The following FRMD5 variants were observed in gnomAD, a reference collection of about 807,000 sequenced individuals.
FRMD5 encodes the protein FERM domain-containing protein 5.
FRMD5 carries 20 observed loss-of-function variants against 69.0 expected under a neutral mutation model. The ratio of observed to expected loss-of-function variants is 0.29; its 90% CI spans 0.20 to 0.42. The LOEUF (loss-of-function observed/expected upper bound fraction) is 0.42. Ranked by LOEUF, FRMD5 falls within the 10% of genes least tolerant of loss-of-function variation. The pLI is 1.00. For missense variants in FRMD5, 595 were observed against 708.6 expected (o/e 0.84, Z 1.82); for synonymous variants, 271 against 260.1 (o/e 1.04, Z -0.40).
At chr15:44,117,066 T>A (rs1011219382) in intron 1 of FRMD5, among the ~76,000 whole-genome samples, 2 of 150,474 alleles carry the variant, frequency 1.3e-5, no homozygotes, top group Non-Finnish European at 3.0e-5. Flanking sequence ...GATCGCACCA[T>A]TGCACTCCAG....
At chr15:44,199,406 G>A (rs2615300), upstream of FRMD5, among the ~76,000 whole-genome samples, 17,984 of 152,076 alleles carry the variant, frequency 0.12, 2,548 homozygotes, top group African/African-American at 0.34. Flanking sequence ...CCCTGACTAC[G>A]TCTTAGGCAT....
At chr15:43,916,829 A>T (rs892791730) in intron 4 of FRMD5, among the ~76,000 whole-genome samples, 3 of 147,456 alleles carry the variant, frequency 2.0e-5, no homozygotes, top group Non-Finnish European at 4.5e-5. Context: ...CCCAGGCTGG[A>T]GTGCAATGGC....
chr15:43,883,805 C>T lies in FRMD5; in HGVS notation c.1033G>A (p.Gly345Arg), dbSNP rs747708913. The T allele has an allele frequency of 6.2e-6, 10 of 1,613,486 alleles. No homozygotes were observed. Among genetic ancestry groups the T allele is most frequent in the Non-Finnish European group, 7.6e-6 (9 of 1,179,424 alleles). Reference protein sequence around the residue: ...KREPPEIHRAGMVPSRSCPSI... With the variant: ...KREPPEIHRARMVPSRSCPSI... ...GGACAGCTCCGGCTGGGAACCATCC[C>T]TGCTCTGAGGTTAAAGAAAAAGAAC... Residue 345 changes from glycine to arginine, a missense_variant, in exon 13 of 14, where the codon GGG becomes AGG. Around this residue, in one of 5 missense-constraint regions of FRMD5, gnomAD observed 176 missense variants for 266.3 expected, o/e 0.66. Coordinates refer to ENST00000417257, the MANE Select transcript of FRMD5 (RefSeq NM_032892.5).
chr15:44,012,880 C>T (rs1364116756), intron 1 of FRMD5, among the ~76,000 whole-genome samples: 1 of 151,210 alleles, frequency 6.6e-6, no homozygotes, highest in Non-Finnish European at 1.5e-5. Context: ...GATTCTCCTG[C>T]CTCAGCCTCC....
Position 43,938,231 on chromosome 15 carries a change from C to CAAAA in FRMD5, c.103-13926_103-13923dup, listed in dbSNP as rs775430626. Among the ~76,000 whole-genome samples the CAAAA allele has an allele frequency of 5.8e-3, 377 of 65,068 alleles. 13 individuals carry two copies. Among genetic ancestry groups the CAAAA allele is most frequent in the African/African-American group, 0.016 (360 of 22,828 alleles). 42.7% of individuals were successfully genotyped at this position (65,068 alleles called of 152,430 possible). On this transcript the variant is annotated intron_variant, in intron 1 of 13. Coordinates refer to ENST00000417257, the MANE Select transcript of FRMD5 (RefSeq NM_032892.5). ...TGGGCGAAAGAGCGAGACTCCGTCTCAAAAAAAAAAAAAAAAAAAAGCCTA... is the reference window on the plus strand; with the variant it reads ...TGGGCGAAAGAGCGAGACTCCGTCTCAAAAAAAAAAAAAAAAAAAAAAAAGCCTA...
intron 1 of FRMD5, among the ~76,000 whole-genome samples, chr15:44,071,260 A>T (rs1273553905): frequency 6.6e-6 from 1 of 152,028 alleles, no homozygotes; most frequent in Non-Finnish European, 1.5e-5. Flanking sequence ...TCTTTCTTAA[A>T]ATTTGATGCC....
rs375405786 is a variant in FRMD5 at position 43,874,446 on chromosome 15, C to T, written c.1152G>A (p.Arg384=). 1.5e-5 allele frequency: 24 copies of T among 1,614,084 alleles called. No homozygotes were observed. The highest frequency in any genetic ancestry group is 2.2e-5 in the East Asian group (1 of 44,884). ...GCACTGGTGTGGAATGGGCACTGTCCCGTAAGGACTCTAGGCCTAGAAAGG... is the reference window on the plus strand; with the variant it reads ...GCACTGGTGTGGAATGGGCACTGTCTCGTAAGGACTCTAGGCCTAGAAAGG... ...ISIMEGLESL[R]DSAHSTPVRS... Residue 384 remains arginine (R), a synonymous_variant, in exon 14 of 14, where the codon CGG becomes CGA. Coordinates refer to ENST00000417257, the MANE Select transcript of FRMD5 (RefSeq NM_032892.5).
intron 1 of FRMD5, among the ~76,000 whole-genome samples, chr15:43,995,241 C>T (rs1199995547): frequency 2.0e-5 from 3 of 152,160 alleles, no homozygotes; most frequent in African/African-American, 7.2e-5. Flanking sequence ...AGCTGTTATG[C>T]TGTATTGTTT....
At chr15:44,094,875 A>T (rs2076528052) in intron 1 of FRMD5, among the ~76,000 whole-genome samples, 1 of 152,104 alleles carries the variant, frequency 6.6e-6, no homozygotes. Context: ...TTTTAGGAAA[A>T]TTCATTGAGG....
chr15:43,901,606 C>T (rs906542781), intron 7 of FRMD5, among the ~76,000 whole-genome samples: 1 of 152,180 alleles, frequency 6.6e-6, no homozygotes, highest in Admixed American at 6.5e-5. Flanking sequence ...TGGGTCTGCA[C>T]AGGCCTCGGC....
chr15:44,109,906 T>G (rs1219711459), intron 1 of FRMD5, among the ~76,000 whole-genome samples: 1 of 152,248 alleles, frequency 6.6e-6, no homozygotes, highest in Non-Finnish European at 1.5e-5. Context: ...TCATATAGTA[T>G]ACAACCTGAT....
intron 1 of FRMD5, among the ~76,000 whole-genome samples, chr15:44,013,751 C>T (rs754313180): frequency 1.3e-5 from 2 of 151,846 alleles, no homozygotes; most frequent in Non-Finnish European, 2.9e-5. Flanking sequence ...CAGTTACCCT[C>T]GACATTTTCT....
intron 8 of FRMD5, among the ~76,000 whole-genome samples, chr15:43,889,654 C>T (rs1017394040): frequency 6.6e-6 from 1 of 152,188 alleles, no homozygotes; most frequent in Non-Finnish European, 1.5e-5. Context: ...TGCTCTCAGC[C>T]TTGGTTACAT....
intron 1 of FRMD5, among the ~76,000 whole-genome samples, chr15:44,151,794 G>A (rs963992073): frequency 6.6e-6 from 1 of 152,104 alleles, no homozygotes; most frequent in South Asian, 2.1e-4. Context: ...AATCAACAGA[G>A]TAAAAAGGCA....
chr15:44,021,884 G>A (rs1160783389), intron 1 of FRMD5, among the ~76,000 whole-genome samples: 2 of 151,946 alleles, frequency 1.3e-5, no homozygotes, highest in African/African-American at 4.8e-5. Context: ...CCAAAAGGTG[G>A]AAACAACCCA....
At chr15:43,920,401 G>A (rs2089473700) in intron 2 of FRMD5, among the ~76,000 whole-genome samples, 1 of 152,208 alleles carries the variant, frequency 6.6e-6, no homozygotes, top group Non-Finnish European at 1.5e-5. Flanking sequence ...TTGGCATCCA[G>A]TGATGTTTTA....
At chr15:44,103,403 C>T (rs1437981341) in intron 1 of FRMD5, among the ~76,000 whole-genome samples, 1 of 152,176 alleles carries the variant, frequency 6.6e-6, no homozygotes, top group Non-Finnish European at 1.5e-5. Context: ...TTTGATTAGA[C>T]ATATACTGGT....
upstream of FRMD5, among the ~76,000 whole-genome samples, chr15:44,196,752 T>TTCTC (rs779388784): frequency 7.9e-4 from 57 of 71,956 alleles, no homozygotes; most frequent in African/African-American, 1.7e-3. Context: ...CTCTCTCTCT[T>TTCTC]TCTCTCTCTC....
At chr15:44,154,298 G>A (rs573729150) in intron 1 of FRMD5, among the ~76,000 whole-genome samples, 1 of 152,026 alleles carries the variant, frequency 6.6e-6, no homozygotes, top group Non-Finnish European at 1.5e-5. Flanking sequence ...TCCAGCCTCA[G>A]TGAGAGTGAG....
Sources: allele counts gnomAD v4.1 joint callset (sites outside exome capture counted in the v4.1 genomes callset), GRCh38; gene constraint gnomAD v4.1.1; regional missense constraint gnomAD v4.1.1; transcripts MANE v1.5; gene names NCBI Gene and HGNC (gene_info 2026-07-23, HGNC 2026-07-21).